WDFY3: variants seen among roughly 807,000 people sequenced by gnomAD.
WDFY3 encodes the protein WD repeat and FYVE domain-containing protein 3.
Under a neutral mutation model 409.6 loss-of-function variants are expected in WDFY3, and 66 were observed. That is an observed-to-expected ratio of 0.16 (90% confidence interval 0.13 to 0.20). The LOEUF (loss-of-function observed/expected upper bound fraction) is 0.20. Among genes scored for constraint, WDFY3 ranks in the 10% least tolerant of loss-of-function variants. The pLI is 1.00. For missense variants in WDFY3, 3,031 were observed against 4,298.1 expected, an observed-to-expected ratio of 0.71 and a Z score of 8.24; for synonymous variants, 1,521 against 1,537.1, an observed-to-expected ratio of 0.99 and a Z score of 0.25.
At chr4:84,742,556 A>G (rs1421976269) in intron 37 of WDFY3, among the ~76,000 whole-genome samples, 1 of 151,920 alleles carries the variant, frequency 6.6e-6, no homozygotes. Context: ...GGGGTCCCCA[A>G]CTCCCAGGCC....
chr4:84,773,814 G>A (rs753511685), intron 29 of WDFY3, among the ~76,000 whole-genome samples: 14 of 152,132 alleles, frequency 9.2e-5, no homozygotes, highest in South Asian at 4.1e-4. Flanking sequence ...TCCGCCTCCC[G>A]GGTTCAAGTG....
At chr4:84,843,506 C>T (rs925734289) in intron 5 of WDFY3, among the ~76,000 whole-genome samples, 6 of 152,076 alleles carry the variant, frequency 3.9e-5, no homozygotes, top group Admixed American at 3.9e-4. Context: ...GCAATCCCTC[C>T]GCCTCAGTCC....
intron 55 of WDFY3, among the ~76,000 whole-genome samples, chr4:84,703,690 C>CT (rs1478775289): frequency 2.0e-5 from 3 of 152,254 alleles, no homozygotes; most frequent in Admixed American, 1.3e-4. Context: ...CTCCTTTAGA[C>CT]TTTTTTTCAC....
intron 15 of WDFY3, 101 bp from the exon 16 acceptor site, chr4:84,803,568 A>C: frequency 7.7e-7 from 1 of 1,295,840 alleles, no homozygotes. Context: ...CTTGTTAGAA[A>C]ACACCTTAAG....
intron 5 of WDFY3, among the ~76,000 whole-genome samples, chr4:84,842,388 A>C (rs1757487827): frequency 6.6e-6 from 1 of 151,958 alleles, no homozygotes; most frequent in Admixed American, 6.6e-5. Context: ...GAGGCAGGAG[A>C]ATCACTTGTA....
intron 7 of WDFY3, among the ~76,000 whole-genome samples, chr4:84,833,351 C>A (rs144093013): frequency 6.6e-6 from 1 of 151,908 alleles, no homozygotes; most frequent in Admixed American, 6.6e-5. Flanking sequence ...TGAAAAAGAG[C>A]GCTTCATGAA....
chr4:84,921,239 T>C (rs1769226891), intron 2 of WDFY3, among the ~76,000 whole-genome samples: 1 of 152,126 alleles, frequency 6.6e-6, no homozygotes, highest in Non-Finnish European at 1.5e-5. Flanking sequence ...AAGCAATATG[T>C]TCAGTGCCTT....
intron 3 of WDFY3, among the ~76,000 whole-genome samples, chr4:84,865,138 C>CTCGG (rs1320835861): frequency 6.6e-6 from 1 of 152,164 alleles, no homozygotes; most frequent in African/African-American, 2.4e-5. Context: ...ATCTGCCTGC[C>CTCGG]TCGGCCTCCC....
chr4:84,754,308 CAAT>C (rs762171369), intron 34 of WDFY3, among the ~76,000 whole-genome samples: 5 of 151,972 alleles, frequency 3.3e-5, no homozygotes, highest in Admixed American at 1.3e-4. Flanking sequence ...TGTAATACAA[CAAT>C]GATGATGATA....
chr4:84,748,830 T>G (rs1247487230), intron 36 of WDFY3, among the ~76,000 whole-genome samples: 1 of 152,102 alleles, frequency 6.6e-6, no homozygotes, highest in Non-Finnish European at 1.5e-5. Context: ...ACTCAGATGT[T>G]CAAGCCCCTT....
intron 2 of WDFY3, among the ~76,000 whole-genome samples, chr4:84,918,819 A>G (rs575995331): frequency 0.066 from 8,780 of 133,660 alleles, 370 homozygotes; most frequent in Admixed American, 0.14. Flanking sequence ...GTGTGTGTAT[A>G]TATATATAGA....
chr4:84,769,577 G>C (rs1483524592), intron 30 of WDFY3, among the ~76,000 whole-genome samples: 2 of 151,972 alleles, frequency 1.3e-5, no homozygotes, highest in Admixed American at 6.6e-5. Context: ...ACCATGCCCG[G>C]CTAATTTTTT....
Position 84,709,274 on chromosome 4 carries a change from A to C in WDFY3, c.8097+19T>G, listed in dbSNP as rs892508410. The C allele has an allele frequency of 3.7e-6, 6 of 1,602,090 alleles. No individual in the cohort carries two copies. Among genetic ancestry groups the C allele is most frequent in the Admixed American group, 1.7e-5 (1 of 57,228 alleles). On this transcript the variant is annotated intron_variant, in intron 52 of 67. Transcript: ENST00000295888. ...TAATTACGAACTTCTAAGGAAGCTC[A>C]TATATTCATTAAACTTACCTCCCAT...
At chr4:84,910,485 T>C (rs1389262440) in intron 2 of WDFY3, among the ~76,000 whole-genome samples, 2 of 152,108 alleles carry the variant, frequency 1.3e-5, no homozygotes, top group African/African-American at 4.8e-5. Context: ...ACCAACAGAA[T>C]GGAACAGAGC....
intron 2 of WDFY3, among the ~76,000 whole-genome samples, chr4:84,910,612 C>A (rs1258837551): frequency 1.3e-5 from 2 of 151,944 alleles, no homozygotes; most frequent in African/African-American, 4.8e-5. Context: ...ATTGAATCTA[C>A]CTTAAAAATT....
chr4:84,803,156 CTTT>C, intron 16 of WDFY3, 131 bp downstream of exon 16: 1 of 1,004,448 alleles, frequency 1.0e-6, no homozygotes, highest in Non-Finnish European at 1.3e-6. Flanking sequence ...TAAAAAAATC[CTTT>C]TTTTTCCCCT....
intron 36 of WDFY3, among the ~76,000 whole-genome samples, chr4:84,746,897 A>G (rs1156906102): frequency 1.3e-5 from 2 of 152,038 alleles, no homozygotes; most frequent in African/African-American, 4.8e-5. Flanking sequence ...CTAGGATTCA[A>G]ATCTCAGTTT....
chr4:84,809,798 T>G (rs760103124), intron 14 of WDFY3, 89 bp downstream of exon 14: 2 of 1,177,072 alleles, frequency 1.7e-6, no homozygotes, highest in South Asian at 1.6e-5. Context: ...GTTTTCATAT[T>G]CTTTTGGATT....
Position 84,671,870 on chromosome 4 carries a change from G to A in WDFY3, c.*998C>T, listed in dbSNP as rs1371235573. 1 of 152,378 alleles carries A rather than the reference G, an allele frequency of 6.6e-6. No individual in the cohort carries two copies. The highest frequency in any genetic ancestry group is 2.4e-5 in the African/African-American group (1 of 41,402). 9.4% of individuals were successfully genotyped at this position (152,378 alleles called of 1,614,324 possible). A position where few individuals can be genotyped will look rare whatever the true frequency, so the allele number is the denominator to read the frequency against. On this transcript the variant is annotated 3_prime_UTR_variant, in exon 68 of 68. Transcript: ENST00000295888. ...AAATAAGCTATAGTAGAACATTAGTGTCACCAAAGACACATACTTATTATG... is the reference window on the plus strand; with the variant it reads ...AAATAAGCTATAGTAGAACATTAGTATCACCAAAGACACATACTTATTATG...
Sources: gnomAD v4.1 joint callset for allele counts (sites outside exome capture counted in the v4.1 genomes callset) on GRCh38, gnomAD v4.1.1 for gene constraint, MANE v1.5 for transcripts, NCBI Gene and HGNC (gene_info 2026-07-23, HGNC 2026-07-21) for gene names.